RASL12: variants seen among roughly 807,000 people sequenced by gnomAD.
The protein encoded by RASL12 is RAS like family 12.
A neutral mutation model predicts 22.9 loss-of-function variants in RASL12; 16 were observed. The observed-to-expected ratio is 0.70, with a 90% CI of 0.47 to 1.06. The LOEUF (loss-of-function observed/expected upper bound fraction) is 1.06. RASL12 is among the 50% of genes least tolerant of loss of function. RASL12 has a pLI of 0.00. For synonymous variants in RASL12, 159 were observed against 152.2 expected, an observed-to-expected ratio of 1.04 and a Z score of -0.33; for missense variants, 306 against 353.1, an observed-to-expected ratio of 0.87 and a Z score of 1.07.
chr15:65,063,944 C>A (rs2140528239), intron 2 of RASL12, among the ~76,000 whole-genome samples: 1 of 152,270 alleles, frequency 6.6e-6, no homozygotes, highest in African/African-American at 2.4e-5. Flanking sequence ...CCTTGGGCTT[C>A]TTTGGAGGGC....
chr15:65,053,710 G>C lies in RASL12; in HGVS notation c.*1189C>G. The C allele has an allele frequency of 1.0e-6, 1 of 988,202 alleles. No homozygotes were observed. Among genetic ancestry groups the C allele is most frequent in the South Asian group, 4.7e-5 (1 of 21,444 alleles). 61.2% of individuals were successfully genotyped at this position (988,202 alleles called of 1,614,324 possible). ...CCAGGACCCTCTCTTTTCCCTGCTT[G>C]TCTGCTAAGAGTCTGTGCAAGACTT... On this transcript the variant is annotated 3_prime_UTR_variant, in exon 5 of 5. Transcript: ENST00000220062.
At chr15:65,051,681 G>A (rs1232110619), downstream of RASL12, 2 of 1,429,986 alleles carry the variant, frequency 1.4e-6, no homozygotes, top group African/African-American at 2.8e-5. Flanking sequence ...GAAATCTAGA[G>A]AGGGGTCACT....
In RASL12 at chr15:65,054,384, G is replaced by A; in HGVS notation, c.*515C>T. 1 of 987,252 alleles carries A rather than the reference G, an allele frequency of 1.0e-6. No individual in the cohort carries two copies. Among genetic ancestry groups the A allele is most frequent in the Non-Finnish European group, 1.2e-6 (1 of 831,236 alleles). The allele number at this position is 987,252 out of a possible 1,614,324, so 61.2% of individuals were successfully genotyped here. ...GTGGGGTTTGTAGCCTGGGCCTTCT[G>A]TGAAGTCAGCAGATGACAGGAGGGC... On this transcript the variant is annotated 3_prime_UTR_variant, in exon 5 of 5. Transcript: ENST00000220062.
At chr15:65,051,671 G>A, downstream of RASL12, 2 of 1,475,120 alleles carry the variant, frequency 1.4e-6, no homozygotes, top group Non-Finnish European at 1.9e-6. Context: ...TTCCCAGAGG[G>A]AAATCTAGAG....
the RASL12 span, among the ~76,000 whole-genome samples, chr15:65,046,261 A>T: frequency 6.6e-6 from 1 of 152,210 alleles, no homozygotes; most frequent in Non-Finnish European, 1.5e-5. Context: ...AGATGGTGCC[A>T]CTACACTCCA....
chr15:65,053,282 CTTTCTTTTTTTT>C (rs2086680222), downstream of RASL12: 1 of 1,428,046 alleles, frequency 7.0e-7, no homozygotes. Context: ...CTTTTTCTTT[CTTTCTTTTTTTT>C]TTTCTTAGCA....
chr15:65,063,583 G>A (rs936250087), intron 2 of RASL12, among the ~76,000 whole-genome samples: 1 of 152,168 alleles, frequency 6.6e-6, no homozygotes, highest in Admixed American at 6.5e-5. Flanking sequence ...CCAAGGCACC[G>A]GGGGTCAAGC....
In RASL12 at chr15:65,058,415, G is replaced by C. The variant is rs1237969723; in HGVS notation, c.425+12C>G. 1 of 1,452,238 alleles carries C rather than the reference G, an allele frequency of 6.9e-7. No individual in the cohort carries two copies. Among genetic ancestry groups the C allele is most frequent in the Admixed American group, 2.3e-5 (1 of 43,236 alleles). The allele number at this position is 1,452,238 out of a possible 1,614,324, so 90.0% of individuals were successfully genotyped here. A position where few individuals can be genotyped will look rare whatever the true frequency, so the allele number is the denominator to read the frequency against. ...GAGCTCTGGAGATAACGGCCAAGCA[G>C]GCTGTGCTCACCTGTACTGAGCCAT... On this transcript the variant is annotated intron_variant, in intron 4 of 4. Coordinates refer to ENST00000220062, the MANE Select transcript of RASL12 (RefSeq NM_016563.4).
chr15:65,068,383 T>G, upstream of RASL12: 1 of 728,058 alleles, frequency 1.4e-6, no homozygotes, highest in Non-Finnish European at 1.7e-6. The surrounding 1 kb of genome is among the most constrained non-coding windows in gnomAD (Gnocchi z 4.2). Flanking sequence ...ATTCCAAGCC[T>G]TGCCCTTTCT....
chr15:65,065,301 C>G (rs754346003), intron 1 of RASL12, 28 bp from the exon 2 acceptor site: 22 of 1,603,584 alleles, frequency 1.4e-5, no homozygotes, highest in Non-Finnish European at 1.9e-5. Flanking sequence ...AGGTTGGCTC[C>G]ATCTCCGCGG....
chr15:65,076,170 A>G (rs1439233853), intron 1 of RASL12, among the ~76,000 whole-genome samples: 3 of 152,264 alleles, frequency 2.0e-5, no homozygotes, highest in Non-Finnish European at 1.5e-5. Flanking sequence ...TACCCGAGCC[A>G]GCAGTGGCAA....
upstream of RASL12, chr15:65,068,119 G>T (rs1484095724): frequency 1.9e-6 from 2 of 1,031,726 alleles, no homozygotes; most frequent in East Asian, 8.4e-5. This position sits in a 1 kb window ranked among gnomAD's most constrained non-coding sequence, Gnocchi z 4.2. Flanking sequence ...GAGCAGGGAG[G>T]GAGCTCCTGC....
At chr15:65,058,384 G>A (rs1171007395) in intron 4 of RASL12, 43 bp downstream of exon 4, 2 of 1,401,902 alleles carry the variant, frequency 1.4e-6, no homozygotes, top group Non-Finnish European at 1.9e-6. Flanking sequence ...TACAAGTGAA[G>A]AAAGCGAGCT....
At chr15:65,049,608 G>C (rs563528724), downstream of RASL12, 88 of 154,402 alleles carry the variant, frequency 5.7e-4, no homozygotes, top group Non-Finnish European at 9.3e-4. Flanking sequence ...TGCGGACGCT[G>C]AACAGGCAGG....
chr15:65,054,631 C>G lies in RASL12; in HGVS notation c.*268G>C. On this transcript the variant is annotated 3_prime_UTR_variant, in exon 5 of 5. Coordinates refer to ENST00000220062, the MANE Select transcript of RASL12 (RefSeq NM_016563.4). ...GCAATTTCTTCCTACTTAAGGCTGACCCCAGGTCTCTGGGTTGTCACAGTG... is the reference window on the plus strand; with the variant it reads ...GCAATTTCTTCCTACTTAAGGCTGAGCCCAGGTCTCTGGGTTGTCACAGTG... 1 of 1,338,716 alleles carries G rather than the reference C, an allele frequency of 7.5e-7. No individual in the cohort carries two copies. Among genetic ancestry groups the G allele is most frequent in the South Asian group, 2.1e-5 (1 of 48,722 alleles). The allele number at this position is 1,338,716 out of a possible 1,614,324, so 82.9% of individuals were successfully genotyped here.
downstream of RASL12, chr15:65,052,883 T>C (rs2086673159): frequency 6.1e-6 from 8 of 1,319,972 alleles, no homozygotes; most frequent in South Asian, 7.7e-5. Context: ...ATTTTCCCCT[T>C]AGACTCTTTA....
downstream of RASL12, chr15:65,053,049 A>G (rs147682812): frequency 6.2e-7 from 1 of 1,614,076 alleles, no homozygotes; most frequent in Non-Finnish European, 8.5e-7. Flanking sequence ...AGCCTAAACA[A>G]CCTAAGAGAA....
Position 65,054,438 on chromosome 15 carries a change from C to T in RASL12, c.*461G>A, listed in dbSNP as rs995632219. On this transcript the variant is annotated 3_prime_UTR_variant, in exon 5 of 5. Coordinates refer to ENST00000220062, the MANE Select transcript of RASL12 (RefSeq NM_016563.4). ...GCTCTGGCCTCTGAAACTGCAGCCG[C>T]CCTGCCTTTCCCGTCCACCAGGTGG... 5.0e-6 allele frequency: 5 copies of T among 991,316 alleles called. No homozygotes were observed. In the Admixed American group the frequency reaches 1.8e-4, roughly 35 times the overall value. The allele number at this position is 991,316 out of a possible 1,614,324, so 61.4% of individuals were successfully genotyped here.
intron 4 of RASL12, among the ~76,000 whole-genome samples, chr15:65,057,425 G>C (rs754967794): frequency 2.0e-5 from 3 of 152,220 alleles, no homozygotes; most frequent in African/African-American, 7.2e-5. Context: ...CGGGCAACTT[G>C]AATGTGTGGA....
Sources: allele counts gnomAD v4.1 joint callset (sites outside exome capture counted in the v4.1 genomes callset), GRCh38; gene constraint gnomAD v4.1.1; non-coding constraint Gnocchi (gnomAD v3.1); transcripts MANE v1.5; gene names NCBI Gene and HGNC (gene_info 2026-07-23, HGNC 2026-07-21).